WNT5A: variants seen among roughly 807,000 people sequenced by gnomAD.
WNT5A encodes Wnt family member 5A, also known as protein Wnt-5a.
WNT5A carries 9 observed loss-of-function variants against 42.1 expected under a neutral mutation model. That is an observed-to-expected ratio of 0.21 (90% CI 0.13 to 0.37). The LOEUF is 0.37. WNT5A is among the 10% of genes least tolerant of loss of function. The pLI is 1.00. For missense variants in WNT5A, 426 were observed against 534.0 expected, an observed-to-expected ratio of 0.80 and a Z score of 1.99; for synonymous variants, 210 against 210.0, an observed-to-expected ratio of 1.00 and a Z score of 0.00.
At chr3:55,498,953 C>T in the WNT5A span, among the ~76,000 whole-genome samples, 3 of 152,290 alleles carry the variant, frequency 2.0e-5, no homozygotes, top group East Asian at 5.8e-4. Context: ...AAAAATGAGA[C>T]ACTGGTCTTC....
chr3:55,472,765 T>A (rs1000481834), intron 4 of WNT5A, among the ~76,000 whole-genome samples: 3 of 152,264 alleles, frequency 2.0e-5, no homozygotes, highest in Admixed American at 6.5e-5. Context: ...GCTGGAATTA[T>A]CTACACGATC....
At chr3:55,482,277 T>C (rs907926321) in intron 1 of WNT5A, among the ~76,000 whole-genome samples, 1 of 152,112 alleles carries the variant, frequency 6.6e-6, no homozygotes, top group Non-Finnish European at 1.5e-5. Context: ...TCCGCTGCCG[T>C]TCCTCCCCAC....
At chr3:55,471,371 A>C (rs1048731097) in intron 4 of WNT5A, among the ~76,000 whole-genome samples, 1 of 152,150 alleles carries the variant, frequency 6.6e-6, no homozygotes, top group Non-Finnish European at 1.5e-5. Flanking sequence ...CGCTAGGCTA[A>C]GAGCACCCAC....
intron 1 of WNT5A, among the ~76,000 whole-genome samples, chr3:55,482,516 T>C (rs2051487755): frequency 6.6e-6 from 1 of 152,178 alleles, no homozygotes; most frequent in Non-Finnish European, 1.5e-5. Flanking sequence ...AGAGGGGACC[T>C]AGGCAGCCCT....
At position 55,467,879 on chromosome 3, in the gene WNT5A, T is replaced by A. The variant is rs757717433; in HGVS notation, c.*2213A>T. 7.2e-5 allele frequency: 11 copies of A among 152,174 alleles called. No homozygotes were observed. Among genetic ancestry groups the A allele is most frequent in the Non-Finnish European group, 1.3e-4 (9 of 68,012 alleles). 9.4% of individuals were successfully genotyped at this position (152,174 alleles called of 1,614,324 possible). On this transcript the variant is annotated 3_prime_UTR_variant, in exon 5 of 5. Transcript: ENST00000264634. ...AAAAAAGTACTTCATGGTTTTTGTA[T>A]AATAAAAACCAAAAAAGTGACATTT...
intron 4 of WNT5A, among the ~76,000 whole-genome samples, chr3:55,473,122 T>G (rs1200002067): frequency 6.6e-6 from 1 of 152,246 alleles, no homozygotes; most frequent in Non-Finnish European, 1.5e-5. Context: ...CTGTGATGCA[T>G]GAATTCAATA....
At chr3:55,478,629 T>C (rs2051399504) in intron 3 of WNT5A, among the ~76,000 whole-genome samples, 1 of 152,166 alleles carries the variant, frequency 6.6e-6, no homozygotes, top group South Asian at 2.1e-4. Flanking sequence ...AAGTAAGACA[T>C]TCAACAACGT....
In WNT5A at chr3:55,483,744, C is replaced by T. The variant is rs1323896568; in HGVS notation, c.7-2826G>A. Among the ~76,000 whole-genome samples, 1 of 152,074 alleles carries T rather than the reference C, an allele frequency of 6.6e-6. No homozygotes were observed. The highest frequency in any genetic ancestry group is 2.4e-5 in the African/African-American group (1 of 41,420). ...TCTTCAATCCAGAGCAGCTCAACGA[C>T]GTGGCTCCCTTTCTATGTATCCCTC... On this transcript the variant is annotated intron_variant, in intron 1 of 4. Coordinates refer to ENST00000264634, the MANE Select transcript of WNT5A (RefSeq NM_003392.7). The surrounding 1 kb of genome is among the most constrained non-coding windows in gnomAD (Gnocchi z 4.2).
chr3:55,505,053 A>G, the WNT5A span: 1 of 152,326 alleles, frequency 6.6e-6, no homozygotes, highest in Non-Finnish European at 1.5e-5. Flanking sequence ...TTTATTCTCA[A>G]ATCTGGTGCT....
chr3:55,492,125 C>T (rs1445129709), upstream of WNT5A, among the ~76,000 whole-genome samples: 1 of 152,160 alleles, frequency 6.6e-6, no homozygotes, highest in East Asian at 1.9e-4. Flanking sequence ...CCAATTATCC[C>T]AGCACCATTT....
At chr3:55,491,132 A>G (rs146591118), upstream of WNT5A, among the ~76,000 whole-genome samples, 1 of 152,280 alleles carries the variant, frequency 6.6e-6, no homozygotes, top group African/African-American at 2.4e-5. Flanking sequence ...ATTTCAGAGG[A>G]CGGTGTTAAG....
intron 4 of WNT5A, among the ~76,000 whole-genome samples, 162 bp from the exon 5 acceptor site, chr3:55,470,712 C>T (rs1420830525): frequency 6.6e-6 from 1 of 152,176 alleles, no homozygotes; most frequent in African/African-American, 2.4e-5. Flanking sequence ...ATGTTGCCTT[C>T]TTTAAAAATT....
chr3:55,483,316 G>A lies in WNT5A; in HGVS notation c.7-2398C>T, dbSNP rs968703961. Among the ~76,000 whole-genome samples, 7 of 152,194 alleles carry A rather than the reference G, an allele frequency of 4.6e-5. No individual in the cohort carries two copies. The highest frequency in any genetic ancestry group is 1.7e-4 in the African/African-American group (7 of 41,542). On this transcript the variant is annotated intron_variant, in intron 1 of 4. Transcript: ENST00000264634. This position sits in a 1 kb window ranked among gnomAD's most constrained non-coding sequence, Gnocchi z 4.2. ...CTCCACTTAACCCCGCCGCTTGCCC[G>A]GAAACACCTTGGCCCTCTTCCCTCT... is the stretch of plus-strand genomic sequence containing the variant.
In WNT5A at chr3:55,469,208, A is replaced by G. The variant is rs1048693616; in HGVS notation, c.*884T>C. 3 of 152,206 alleles carry G rather than the reference A, an allele frequency of 2.0e-5. No homozygotes were observed. The highest frequency in any genetic ancestry group is 6.5e-5 in the Admixed American group (1 of 15,288). 9.4% of individuals were successfully genotyped at this position (152,206 alleles called of 1,614,324 possible). ...TGTATTATTTTTACTATTATAATTTACTAACCAAGTATCCCTAAGAAAATA... is the reference window on the plus strand; with the variant it reads ...TGTATTATTTTTACTATTATAATTTGCTAACCAAGTATCCCTAAGAAAATA... On this transcript the variant is annotated 3_prime_UTR_variant, in exon 5 of 5. Transcript: ENST00000264634.
At chr3:55,484,009 GC>G (rs2051521035) in intron 1 of WNT5A, among the ~76,000 whole-genome samples, 2 of 152,074 alleles carry the variant, frequency 1.3e-5, no homozygotes, top group African/African-American at 2.4e-5. Flanking sequence ...TCTCCCCTCG[GC>G]CCCGGGGCAC....
intron 1 of WNT5A, among the ~76,000 whole-genome samples, chr3:55,486,324 G>A (rs2051577142): frequency 6.6e-6 from 1 of 152,142 alleles, no homozygotes; most frequent in Non-Finnish European, 1.5e-5. Flanking sequence ...GGCTAATAAT[G>A]CTAATAACGC....
chr3:55,501,430 G>A, the WNT5A span, among the ~76,000 whole-genome samples: 3 of 152,214 alleles, frequency 2.0e-5, no homozygotes, highest in African/African-American at 7.2e-5. Flanking sequence ...GAGGATAAAG[G>A]GAGAATTGTT....
Position 55,470,539 on chromosome 3 carries a change from G to A in WNT5A, c.696C>T (p.Asn232=). ...NNEAGRRTVY[N]LADVACKCHG... ...GGCACTTGCAGGCCACATCAGCCAG[G>A]TTGTACACCGTCTGCAGGGAAATGG... The change falls in exon 5 of 5, where the codon AAC becomes AAT. Residue 232 remains asparagine (N), a synonymous_variant. Transcript: ENST00000264634. The A allele has an allele frequency of 6.5e-7, 1 of 1,547,480 alleles. No individual in the cohort carries two copies. The highest frequency in any genetic ancestry group is 8.7e-7 in the Non-Finnish European group (1 of 1,145,600).
In WNT5A at chr3:55,470,222, A is replaced by G; in HGVS notation, c.1013T>C (p.Met338Thr). 6.2e-7 allele frequency: 1 copy of G among 1,614,096 alleles called. No homozygotes were observed. The change falls in exon 5 of 5, where the codon ATG (methionine) becomes ACG (threonine). Residue 338 changes from methionine to threonine, a missense_variant. Physicochemically the swap from Met to Thr is moderately conservative, Grantham distance 81. This residue lies in a region of WNT5A where 358 missense variants were observed against 468.1 expected (regional missense o/e 0.76). Coordinates refer to ENST00000264634, the MANE Select transcript of WNT5A (RefSeq NM_003392.7). ...TSEGMDGCEL[M>T]CCGRGYDQFK... ...CTGGTCGTAGCCACGGCCGCAGCACATGAGCTCGCAGCCATCCATGCCCTC... is the reference window on the plus strand; with the variant it reads ...CTGGTCGTAGCCACGGCCGCAGCACGTGAGCTCGCAGCCATCCATGCCCTC...
Sources: gnomAD v4.1 joint callset for allele counts (sites outside exome capture counted in the v4.1 genomes callset) on GRCh38, gnomAD v4.1.1 for gene constraint, gnomAD v4.1.1 regional missense constraint, Gnocchi (gnomAD v3.1) non-coding constraint, MANE v1.5 for transcripts, NCBI Gene and HGNC (gene_info 2026-07-23, HGNC 2026-07-21) for gene names.